Variants in CHD4 observed in about 807,000 individuals in gnomAD.
The protein encoded by CHD4 is chromodomain helicase DNA binding protein 4.
Under a neutral mutation model 235.5 loss-of-function variants are expected in CHD4, and 35 were observed. The observed-to-expected ratio is 0.15, with a 90% CI of 0.11 to 0.20. CHD4 has a LOEUF of 0.20. Among genes scored for constraint, CHD4 ranks in the 10% least tolerant of loss-of-function variants. The pLI is 1.00. For synonymous variants in CHD4, 900 were observed against 850.2 expected, an observed-to-expected ratio of 1.06 and a Z score of -1.02; for missense variants, 1,329 against 2,432.3, an observed-to-expected ratio of 0.55 and a Z score of 9.54.
intron 7 of CHD4, 125 bp downstream of exon 7, chr12:6,600,801 A>G (rs996019631): frequency 1.2e-5 from 18 of 1,507,358 alleles, no homozygotes; most frequent in African/African-American, 1.1e-4. Flanking sequence ...GCCTAGTCTC[A>G]TCTTGTTCTG....
intron 22 of CHD4, 161 bp downstream of exon 22, chr12:6,591,305 G>T: frequency 1.6e-6 from 1 of 616,310 alleles, no homozygotes. Flanking sequence ...CCTAGGAATA[G>T]TCCAATACAT....
intron 33 of CHD4, chr12:6,580,765 C>T (rs1003729417): frequency 4.0e-6 from 1 of 249,780 alleles, no homozygotes; most frequent in Non-Finnish European, 7.5e-6. Flanking sequence ...TCCCAGCAAT[C>T]TGGGAGGCAA....
chr12:6,598,577 G>A (rs758074090), intron 10 of CHD4, 152 bp from the exon 11 acceptor site: 54 of 625,722 alleles, frequency 8.6e-5, no homozygotes, highest in Middle Eastern at 4.3e-4. Context: ...TTGGGAGGCC[G>A]AGGCGGGCAG....
At chr12:6,589,564 C>T (rs917797381) in intron 22 of CHD4, among the ~76,000 whole-genome samples, 5 of 151,590 alleles carry the variant, frequency 3.3e-5, no homozygotes, top group African/African-American at 9.7e-5. Context: ...GTCAGGAGAT[C>T]GAGACCATCC....
intron 33 of CHD4, chr12:6,580,814 C>G (rs963402141): frequency 1.9e-6 from 1 of 523,138 alleles, no homozygotes; most frequent in African/African-American, 1.9e-5. Context: ...TTAGACCAGC[C>G]TGGCCAACAT....
At chr12:6,606,191 C>T (rs1948693835) in intron 2 of CHD4, 83 bp downstream of exon 2, 1 of 940,228 alleles carries the variant, frequency 1.1e-6, no homozygotes, top group South Asian at 1.6e-5. Flanking sequence ...AGCGGAGCAA[C>T]ACAGCCCTGC....
intron 10 of CHD4, 46 bp from the exon 11 acceptor site, chr12:6,598,471 G>A (rs747302320): frequency 6.8e-7 from 1 of 1,468,792 alleles, no homozygotes; most frequent in Middle Eastern, 1.8e-4. Context: ...AACCATGGGA[G>A]GAGAAGGGAC....
At chr12:6,595,985 G>A in intron 13 of CHD4, 21 bp downstream of exon 13, 1 of 1,594,656 alleles carries the variant, frequency 6.3e-7, no homozygotes, top group Non-Finnish European at 8.5e-7. Context: ...ACAACTCTAT[G>A]CCTCACCCAA....
intron 29 of CHD4, 107 bp from the exon 30 acceptor site, chr12:6,582,388 T>C: frequency 7.1e-7 from 1 of 1,401,894 alleles, no homozygotes; most frequent in Non-Finnish European, 9.6e-7. Flanking sequence ...TGGCTCCACC[T>C]TGAGGTAAAG....
rs1010994085 is a variant in CHD4 at position 6,591,722 on chromosome 12, C to T, written c.3194G>A (p.Gly1065Asp). 6 of 1,614,120 alleles carry T rather than the reference C, an allele frequency of 3.7e-6. No individual in the cohort carries two copies. Among genetic ancestry groups the T allele is most frequent in the African/African-American group, 1.3e-5 (1 of 74,938 alleles). Residue 1065 changes from glycine to aspartate, a missense_variant, in exon 21 of 40, where the codon GGT (glycine) becomes GAT (aspartate). By Grantham distance (94) the Gly-to-Asp change is moderately conservative. This residue lies in a region of CHD4 where 39 missense variants were observed against 83.8 expected (regional missense o/e 0.47). Transcript: ENST00000544040. ...LQKMLKNLKE[G>D]GHRVLIFSQM... Reference sequence around the variant, plus strand: ...GGAAAAGATGAGTACACGATGCCCACCCTCCTTAAGGTTCTTGAGCATTTT... The same window carrying T: ...GGAAAAGATGAGTACACGATGCCCATCCTCCTTAAGGTTCTTGAGCATTTT...
At chr12:6,594,127 G>A (rs992500289) in intron 15 of CHD4, among the ~76,000 whole-genome samples, 12 of 152,144 alleles carry the variant, frequency 7.9e-5, no homozygotes, top group Admixed American at 1.3e-4. Context: ...GAGCCACTGC[G>A]TCCAGCCAAG....
chr12:6,606,213 A>C (rs1323923675), intron 2 of CHD4, 61 bp downstream of exon 2: 7 of 1,118,396 alleles, frequency 6.3e-6, no homozygotes, highest in South Asian at 4.1e-5. Flanking sequence ...TCACCAGAGG[A>C]GTCACTCGGG....
intron 12 of CHD4, among the ~76,000 whole-genome samples, chr12:6,596,558 G>A (rs922929458): frequency 6.6e-6 from 1 of 152,058 alleles, no homozygotes; most frequent in African/African-American, 2.4e-5. Context: ...CCAGCACTTT[G>A]GGAGGCCAAG....
chr12:6,602,431 T>C lies in CHD4; in HGVS notation c.167A>G (p.Lys56Arg). The C allele has an allele frequency of 6.2e-7, 1 of 1,614,164 alleles. No homozygotes were observed. The highest frequency in any genetic ancestry group is 8.5e-7 in the Non-Finnish European group (1 of 1,180,026). Residue 56 changes from lysine (K) to arginine (R), a missense_variant, in exon 3 of 40, where the codon AAG (lysine) becomes AGG (arginine). Physicochemically the swap from Lys to Arg is conservative, Grantham distance 26 (BLOSUM62 2). This residue lies in a region of CHD4 where 213 missense variants were observed against 177.5 expected (regional missense o/e 1.20). Coordinates refer to ENST00000544040, the MANE Select transcript of CHD4 (RefSeq NM_001273.5). ...TETPKLKKKK[K>R]PKKPRDPKIP... ...TTTAGGGTCCCGAGGTTTCTTAGGCTTTTTCTTCTTCTTGAGCTTTGGAGT... is the reference window on the plus strand; with the variant it reads ...TTTAGGGTCCCGAGGTTTCTTAGGCCTTTTCTTCTTCTTGAGCTTTGGAGT...
chr12:6,573,999 A>G (rs1431673080), intron 37 of CHD4, among the ~76,000 whole-genome samples: 1 of 152,034 alleles, frequency 6.6e-6, no homozygotes. Flanking sequence ...CTCCAGCCTG[A>G]GTGACAGAGG....
intron 25 of CHD4, among the ~76,000 whole-genome samples, chr12:6,586,141 G>A (rs1011240132): frequency 3.3e-5 from 5 of 151,742 alleles, no homozygotes; most frequent in African/African-American, 1.2e-4. Flanking sequence ...GCTCACGCCT[G>A]TAATCCCAGC....
intron 25 of CHD4, among the ~76,000 whole-genome samples, chr12:6,586,049 G>A (rs942066024): frequency 9.9e-5 from 15 of 151,654 alleles, no homozygotes; most frequent in African/African-American, 3.6e-4. Context: ...GCAGTAGGCT[G>A]TGATCGCACC....
chr12:6,580,988 A>G, intron 33 of CHD4, 56 bp downstream of exon 33: 1 of 1,589,428 alleles, frequency 6.3e-7, no homozygotes, highest in Non-Finnish European at 8.6e-7. Flanking sequence ...GCCTGGCGGC[A>G]GCACTACACT....
chr12:6,601,623 C>G (rs745807711), intron 5 of CHD4, 25 bp downstream of exon 5: 52 of 1,613,482 alleles, frequency 3.2e-5, no homozygotes, highest in East Asian at 2.7e-4. Context: ...TCTCCTCCCC[C>G]TTCCCCAAAC....
Sources: allele counts gnomAD v4.1 joint callset (sites outside exome capture counted in the v4.1 genomes callset), GRCh38; gene constraint gnomAD v4.1.1; regional missense constraint gnomAD v4.1.1; transcripts MANE v1.5; gene names NCBI Gene and HGNC (gene_info 2026-07-23, HGNC 2026-07-21).